Variants in IGFBP2 observed in about 807,000 individuals in gnomAD.
IGFBP2 encodes insulin-like growth factor-binding protein 2.
Under a neutral mutation model 26.2 loss-of-function variants are expected in IGFBP2, and 12 were observed. The observed-to-expected ratio is 0.46, with a 90% CI of 0.29 to 0.74. The LOEUF (loss-of-function observed/expected upper bound fraction) is 0.74. IGFBP2 is among the 30% of genes least tolerant of loss of function. The pLI is 0.09. For missense variants in IGFBP2, 328 were observed against 441.2 expected, an observed-to-expected ratio of 0.74 and a Z score of 2.30; for synonymous variants, 189 against 200.6, an observed-to-expected ratio of 0.94 and a Z score of 0.49.
At chr2:216,639,010 T>A (rs1697560240) in intron 1 of IGFBP2, among the ~76,000 whole-genome samples, 1 of 131,108 alleles carries the variant, frequency 7.6e-6, no homozygotes, top group Non-Finnish European at 1.6e-5. Context: ...CAGGCTAATT[T>A]TTTTTTTTTT....
At position 216,651,600 on chromosome 2, in the gene IGFBP2, A is replaced by G. The variant is rs79954939; in HGVS notation, c.443-8957A>G. ...GTATAAAATTTGTACAATCAAAACC[A>G]AGCTTTAGAAGAAATATGCAATAGA... On this transcript the variant is annotated intron_variant, in intron 1 of 3. Transcript: ENST00000233809. 6.4e-3 allele frequency among the ~76,000 whole-genome samples: 981 copies of G among 152,360 alleles called. 13 individuals carry two copies. The highest frequency in any genetic ancestry group is 0.022 in the African/African-American group (933 of 41,580).
chr2:216,639,048 C>T (rs9341121), intron 1 of IGFBP2, among the ~76,000 whole-genome samples: 11,361 of 123,430 alleles, frequency 0.092, 576 homozygotes, highest in African/African-American at 0.15. Flanking sequence ...AGTCTTGCTC[C>T]GTCGCCCAGG....
At chr2:216,639,521 G>A (rs546463744) in intron 1 of IGFBP2, among the ~76,000 whole-genome samples, 210 of 151,936 alleles carry the variant, frequency 1.4e-3, no homozygotes, top group African/African-American at 4.9e-3. Context: ...GGTCCTTCCC[G>A]CGTACTAGAA....
chr2:216,660,847 G>A, intron 2 of IGFBP2, 61 bp downstream of exon 2: 1 of 1,316,484 alleles, frequency 7.6e-7, no homozygotes, highest in Non-Finnish European at 1.1e-6. Flanking sequence ...GGTCTCAGCT[G>A]GAGGAGGGCA....
intron 1 of IGFBP2, chr2:216,659,615 TGA>T: frequency 1.1e-6 from 1 of 898,510 alleles, no homozygotes; most frequent in Non-Finnish European, 1.8e-6. Context: ...TCAGCCAGAG[TGA>T]GACTGTGGCA....
chr2:216,660,359 T>A (rs1479856523), intron 1 of IGFBP2, among the ~76,000 whole-genome samples, 198 bp from the exon 2 acceptor site: 1 of 152,190 alleles, frequency 6.6e-6, no homozygotes, highest in Non-Finnish European at 1.5e-5. Flanking sequence ...GTGCTAGTAG[T>A]ACCCACCTAA....
In IGFBP2 at chr2:216,647,689, T is replaced by A. The variant is rs1471250795; in HGVS notation, c.443-12868T>A. Among the ~76,000 whole-genome samples the A allele has an allele frequency of 2.0e-5, 3 of 152,104 alleles. No individual in the cohort carries two copies. In the East Asian group the frequency reaches 5.8e-4, roughly 29 times the overall value. ...CGCCCACCACCACGCCTGGCTAATT[T>A]TTTGTATTTTTTAGTAGAGACGGGG... On this transcript the variant is annotated intron_variant, in intron 1 of 3. Coordinates refer to ENST00000233809, the MANE Select transcript of IGFBP2 (RefSeq NM_000597.3).
intron 1 of IGFBP2, among the ~76,000 whole-genome samples, chr2:216,651,081 C>T (rs1697813893): frequency 6.6e-6 from 1 of 152,074 alleles, no homozygotes; most frequent in Non-Finnish European, 1.5e-5. Context: ...GAGGCCACTG[C>T]CCCCTCTGAC....
At chr2:216,656,609 G>T (rs1463593852) in intron 1 of IGFBP2, among the ~76,000 whole-genome samples, 1 of 152,176 alleles carries the variant, frequency 6.6e-6, no homozygotes, top group African/African-American at 2.4e-5. Context: ...CAGGAATGCT[G>T]CCCAACATCT....
At chr2:216,662,341 C>T in intron 3 of IGFBP2, 1 of 277,742 alleles carries the variant, frequency 3.6e-6, no homozygotes, top group Non-Finnish European at 6.9e-6. Flanking sequence ...CTTCCTGGGC[C>T]CGCCCCCAAA....
At position 216,649,031 on chromosome 2, in the gene IGFBP2, C is replaced by G. The variant is rs140931841; in HGVS notation, c.443-11526C>G. ...ATATTTTGTCCACTAGCACGCAGTA[C>G]TTACTTAGTGTTTATCTTTCTTAGC... On this transcript the variant is annotated intron_variant, in intron 1 of 3. Transcript: ENST00000233809. Among the ~76,000 whole-genome samples, 421 of 152,290 alleles carry G rather than the reference C, an allele frequency of 2.8e-3. 2 individuals are homozygous for G. The highest frequency in any genetic ancestry group is 9.2e-3 in the African/African-American group (382 of 41,564).
At chr2:216,647,768 C>T (rs1697742345) in intron 1 of IGFBP2, among the ~76,000 whole-genome samples, 1 of 152,168 alleles carries the variant, frequency 6.6e-6, no homozygotes, top group African/African-American at 2.4e-5. Flanking sequence ...GATCTGCCCG[C>T]CTTGGCCTCC....
intron 1 of IGFBP2, among the ~76,000 whole-genome samples, chr2:216,651,741 G>C (rs1277177480): frequency 6.6e-6 from 1 of 152,166 alleles, no homozygotes; most frequent in Non-Finnish European, 1.5e-5. Context: ...ACCCATTCAA[G>C]AAATTGATTG....
At chr2:216,634,906 T>TTTTTTTTTTTTTTTTTTTTTTA (rs371560018) in intron 1 of IGFBP2, among the ~76,000 whole-genome samples, 3 of 128,490 alleles carry the variant, frequency 2.3e-5, no homozygotes, top group African/African-American at 2.8e-5. Context: ...TTTTTTTTTT[T>TTTTTTTTTTTTTTTTTTTTTTA]AATTACGAAA....
chr2:216,656,197 G>A (rs540658836), intron 1 of IGFBP2, among the ~76,000 whole-genome samples: 1 of 152,250 alleles, frequency 6.6e-6, no homozygotes, highest in East Asian at 1.9e-4. Flanking sequence ...TGACCTCTGG[G>A]ACGCAGCCAA....
At chr2:216,635,549 G>C (rs1443797904) in intron 1 of IGFBP2, among the ~76,000 whole-genome samples, 4 of 152,050 alleles carry the variant, frequency 2.6e-5, no homozygotes, top group African/African-American at 7.2e-5. Context: ...TCATAGGATG[G>C]TTTGGCTGCT....
chr2:216,649,888 G>C (rs1697786239), intron 1 of IGFBP2, among the ~76,000 whole-genome samples: 1 of 152,184 alleles, frequency 6.6e-6, no homozygotes, highest in African/African-American at 2.4e-5. Flanking sequence ...GCATACTCTA[G>C]AAACCTCCAT....
chr2:216,642,326 A>ATTTT (rs1697632998), intron 1 of IGFBP2, among the ~76,000 whole-genome samples: 1 of 67,656 alleles, frequency 1.5e-5, no homozygotes, highest in African/African-American at 7.2e-5. Context: ...TTTTTTTTTG[A>ATTTT]GACGGAGTCT....
In IGFBP2 at chr2:216,660,600, C is replaced by T. The variant is rs372737668; in HGVS notation, c.486C>T (p.His162=). The T allele has an allele frequency of 1.1e-5, 17 of 1,613,396 alleles. No individual in the cohort carries two copies. Among genetic ancestry groups the T allele is most frequent in the African/African-American group, 5.3e-5 (4 of 74,934 alleles). The change falls in exon 2 of 4, where the codon CAC becomes CAT. Residue 162 remains histidine, a synonymous_variant. Coordinates refer to ENST00000233809, the MANE Select transcript of IGFBP2 (RefSeq NM_000597.3). ...DHSEGGLVEN[H]VDSTMNMLGG... ...CAGAAGGAGGCCTGGTGGAGAACCA[C>T]GTGGACAGCACCATGAACATGTTGG...
Sources: allele counts gnomAD v4.1 joint callset (sites outside exome capture counted in the v4.1 genomes callset), GRCh38; gene constraint gnomAD v4.1.1; transcripts MANE v1.5; gene names NCBI Gene and HGNC (gene_info 2026-07-23, HGNC 2026-07-21).